The following TTN variants were observed in gnomAD, a reference collection of about 807,000 sequenced individuals.
The protein encoded by TTN is titin, also known as connectin.
A neutral mutation model predicts 3,223.0 loss-of-function variants in TTN; 1,525 were observed. That is an observed-to-expected ratio of 0.47 (90% CI 0.45 to 0.49). TTN has a LOEUF of 0.49. Among genes scored for constraint, TTN ranks in the 20% least tolerant of loss-of-function variants. The pLI is 0.00. For synonymous variants in TTN, 14,094 were observed against 15,161.0 expected (o/e 0.93, Z 5.17); for missense variants, 40,786 against 43,424.0 (o/e 0.94, Z 5.40).
chr2:178,634,790 C>T lies in TTN; in HGVS notation c.42084G>A (p.Leu14028=). The change falls in exon 229 of 363, where the codon CTG becomes CTA. Residue 14028 remains leucine, a synonymous_variant. Transcript: ENST00000589042. This position sits in a 1 kb window ranked among gnomAD's most constrained non-coding sequence, Gnocchi z 4.6. ...KRFLTLHKVK[L]DQAGEVLYQA... Reference sequence around the variant, plus strand: ...GGTAGAGGACTTCACCAGCTTGGTCCAGTTTGACTTTGTGCAAAGTTAAGA... The same window carrying T: ...GGTAGAGGACTTCACCAGCTTGGTCTAGTTTGACTTTGTGCAAAGTTAAGA... 1.2e-6 allele frequency: 2 copies of T among 1,613,020 alleles called. No homozygotes were observed. The highest frequency in any genetic ancestry group is 1.7e-6 in the Non-Finnish European group (2 of 1,179,402).
chr2:178,584,501 C>A lies in TTN; in HGVS notation c.65050G>T (p.Asp21684Tyr). 6.2e-7 allele frequency: 1 copy of A among 1,613,270 alleles called. No individual in the cohort carries two copies. The highest frequency in any genetic ancestry group is 1.1e-5 in the South Asian group (1 of 91,060). ...DCIFVAWDRP[D>Y]SDGGSPIIGY... ...ATAATGGGGCTCCCTCCATCACTAT[C>A]TGGTCTGTCCCAAGCAACAAAAATA... Residue 21684 changes from aspartate to tyrosine, a missense_variant, in exon 311 of 363, where the codon GAT becomes TAT. Asp to Tyr is a radical substitution (Grantham distance 160). Transcript: ENST00000589042.
In TTN at chr2:178,789,415, C is replaced by A; in HGVS notation, c.2021G>T (p.Arg674Ile). 1 of 1,613,462 alleles carries A rather than the reference C, an allele frequency of 6.2e-7. No homozygotes were observed. Among genetic ancestry groups the A allele is most frequent in the South Asian group, 1.1e-5 (1 of 91,062 alleles). Residue 674 changes from arginine (R) to isoleucine (I), a missense_variant, in exon 13 of 363, where the codon AGA becomes ATA. Arg to Ile is a moderately conservative substitution (Grantham distance 97, BLOSUM62 -3). Coordinates refer to ENST00000589042, the MANE Select transcript of TTN (RefSeq NM_001267550.2). Reference protein sequence around the residue: ...AKAKEQETILRTRETMATRQE... With the variant: ...AKAKEQETILITRETMATRQE... Reference sequence around the variant, plus strand: ...TCTAGTAGCCATAGTTTCTCTAGTTCTCAGTATTGTTTCTTGTTCTTTGGC... The same window carrying A: ...TCTAGTAGCCATAGTTTCTCTAGTTATCAGTATTGTTTCTTGTTCTTTGGC...
chr2:178,681,225 G>T, intron 137 of TTN, 54 bp from the exon 138 acceptor site: 2 of 1,503,970 alleles, frequency 1.3e-6, no homozygotes, highest in Non-Finnish European at 1.8e-6. Flanking sequence ...TGAATACTAT[G>T]TAATAAATAC....
rs2092718188 is a variant in TTN, at chr2:178,781,033, G to T, written c.3523+88C>A. The T allele has an allele frequency of 8.3e-6, 13 of 1,569,774 alleles. No homozygotes were observed. In the South Asian group the frequency reaches 1.2e-4, roughly 15 times the overall value. ...GGCAAAGTATCAGAACCAGTAAGTGGCAACAGGTTTTTCAGCAAACGGACA... is the reference window on the plus strand; with the variant it reads ...GGCAAAGTATCAGAACCAGTAAGTGTCAACAGGTTTTTCAGCAAACGGACA... On this transcript the variant is annotated intron_variant, in intron 21 of 362. Coordinates refer to ENST00000589042, the MANE Select transcript of TTN (RefSeq NM_001267550.2).
rs1169783665 is a variant in TTN, at chr2:178,653,273, G to T, written c.38756C>A (p.Ala12919Asp). ...TGGGACTTCAGGCTTTTTAGGAGGA[G>T]CCAAGGGCACTTTCTTTTCAAGGAC... ...EVVLEKKVPLAPPKKPEVPPV... is the reference protein window; with the variant it reads ...EVVLEKKVPLDPPKKPEVPPV... Residue 12919 changes from alanine (A) to aspartate (D), a missense_variant, in exon 198 of 363, where the codon GCT (alanine) becomes GAT (aspartate). Physicochemically the swap from Ala to Asp is moderately radical, Grantham distance 126. Transcript: ENST00000589042. The T allele has an allele frequency of 1.2e-6, 2 of 1,612,394 alleles. No individual in the cohort carries two copies. Among genetic ancestry groups the T allele is most frequent in the African/African-American group, 2.7e-5 (2 of 74,820 alleles).
Position 178,617,136 on chromosome 2 carries a change from G to T in TTN, c.47859C>A (p.Thr15953=), listed in dbSNP as rs769989672. 1.9e-6 allele frequency: 3 copies of T among 1,609,246 alleles called. No individual in the cohort carries two copies. The highest frequency in any genetic ancestry group is 2.3e-5 in the East Asian group (1 of 44,362). The change falls in exon 255 of 363, where the codon ACC becomes ACA. Residue 15953 remains threonine (T), a synonymous_variant. Coordinates refer to ENST00000589042, the MANE Select transcript of TTN (RefSeq NM_001267550.2). The stretch of plus-strand genomic sequence containing the variant: ...TCTATTTACCAAATGCATCGTCAGC[G>T]GTGAGAGGACCAAGAATTTCAGATG... ...SDPSEILGPL[T]ADDAFVEPTM...
At position 178,616,797 on chromosome 2, in the gene TTN, C is replaced by T; in HGVS notation, c.48092G>A (p.Gly16031Asp). 1 of 1,612,726 alleles carries T rather than the reference C, an allele frequency of 6.2e-7. No homozygotes were observed. The highest frequency in any genetic ancestry group is 8.5e-7 in the Non-Finnish European group (1 of 1,179,178). ...VISPSERSDK[G>D]IYTLKLENRV... ...GTTTTCTAATTTCAGTGTATAAATG[C>T]CCTTGTCTGAACGTTCACTTGGAGA... Residue 16031 changes from glycine to aspartate, a missense_variant, in exon 256 of 363, where the codon GGC (glycine) becomes GAC (aspartate). Gly to Asp is a moderately conservative substitution (Grantham distance 94). Coordinates refer to ENST00000589042, the MANE Select transcript of TTN (RefSeq NM_001267550.2).
rs768793035 is a variant in TTN at position 178,612,354 on chromosome 2, C to T, written c.50171G>A (p.Arg16724Gln). Residue 16724 changes from arginine to glutamine, a missense_variant, in exon 266 of 363, where the codon CGA (arginine) becomes CAA (glutamine). Coordinates refer to ENST00000589042, the MANE Select transcript of TTN (RefSeq NM_001267550.2). ...PLTEGSLYVF[R>Q]VAAENAIGQS... is the part of the protein sequence containing the mutation. ...TCCTATAGCATTTTCTGCAGCAACT[C>T]GGAACACATATAAAGAGCCCTCAGT... 38 of 1,612,358 alleles carry T rather than the reference C, an allele frequency of 2.4e-5. No homozygotes were observed. Among genetic ancestry groups the T allele is most frequent in the Middle Eastern group, 1.6e-4 (1 of 6,070 alleles).
intron 117 of TTN, 53 bp from the exon 118 acceptor site, chr2:178,694,061 AG>A (rs2073114620): frequency 7.3e-7 from 1 of 1,370,996 alleles, no homozygotes; most frequent in Non-Finnish European, 1.0e-6. Flanking sequence ...ACAAGACATC[AG>A]ATCAAACACA....
chr2:178,578,723 A>C lies in TTN; in HGVS notation c.68225-8T>G, dbSNP rs746789787. 4.4e-6 allele frequency: 7 copies of C among 1,607,124 alleles called. No individual in the cohort carries two copies. The highest frequency in any genetic ancestry group is 5.9e-6 in the Non-Finnish European group (7 of 1,177,984). On this transcript the variant is annotated splice_region_variant and splice_polypyrimidine_tract_variant and intron_variant, in intron 320 of 362. Coordinates refer to ENST00000589042, the MANE Select transcript of TTN (RefSeq NM_001267550.2). ...GGGGAGCATCAGGCACATCTAGAAA[A>C]AAGTAGATAATGCAAGATTTATAAT... is the stretch of plus-strand genomic sequence containing the variant.
At chr2:178,759,435 A>G (rs1311295202) in intron 43 of TTN, among the ~76,000 whole-genome samples, 4 of 152,252 alleles carry the variant, frequency 2.6e-5, no homozygotes, top group Non-Finnish European at 4.4e-5. Context: ...CTTCAGTTAC[A>G]TTCTCTTTAG....
chr2:178,774,145 C>A (rs1214697297), intron 30 of TTN, 35 bp from the exon 31 acceptor site: 5 of 1,613,924 alleles, frequency 3.1e-6, no homozygotes, highest in African/African-American at 1.3e-5. Context: ...ATGTTATGAT[C>A]ATTTTTTATC....
rs752439872 is a variant in TTN at position 178,536,930 on chromosome 2, GTA to G, written c.100171+6_100171+7del. On this transcript the variant is annotated splice_donor_region_variant and intron_variant, in intron 356 of 362. Transcript: ENST00000589042. ...CATAGGAAGATACAGAAATCAAGTTGTACTCACCAAATGGACTCTTAATGATC... is the reference window on the plus strand; with the variant it reads ...CATAGGAAGATACAGAAATCAAGTTGCTCACCAAATGGACTCTTAATGATC... 1 of 1,588,168 alleles carries G rather than the reference GTA, an allele frequency of 6.3e-7. No individual in the cohort carries two copies. The highest frequency in any genetic ancestry group is 8.6e-7 in the Non-Finnish European group (1 of 1,163,386).
In TTN at chr2:178,560,865, G is replaced by A. The variant is rs769664554; in HGVS notation, c.85267C>T (p.Arg28423Ter). Residue 28423 changes from arginine (R) to a stop codon, truncating the protein, a stop_gained, in exon 326 of 363, where the codon CGA (arginine) becomes TGA (stop). Coordinates refer to ENST00000589042, the MANE Select transcript of TTN (RefSeq NM_001267550.2). LOFTEE classifies it high-confidence loss of function. ...GTTAGTACATATTGCCCAGTGTCTC[G>A]TCTTATACAGTCTTTAACTGTTAAC... ...TLLTVKDCIR[R>*]DTGQYVLTLK... 7.4e-6 allele frequency: 12 copies of A among 1,613,616 alleles called. No individual in the cohort carries two copies. The highest frequency in any genetic ancestry group is 1.1e-5 in the South Asian group (1 of 91,076).
In TTN at chr2:178,719,801, G is replaced by T. The variant is rs2078058450; in HGVS notation, c.23691C>A (p.Pro7897=). ...EPARIIEKPE[P]MTVTTGNPFA... is the part of the protein sequence containing the mutation. ...AAGGATTTCCAGTAGTGACAGTCATGGGTTCGGGCTTCTCTATGATTCTTG... is the reference window on the plus strand; with the variant it reads ...AAGGATTTCCAGTAGTGACAGTCATTGGTTCGGGCTTCTCTATGATTCTTG... The change falls in exon 82 of 363, where the codon CCC becomes CCA. Residue 7897 remains proline, a synonymous_variant. Coordinates refer to ENST00000589042, the MANE Select transcript of TTN (RefSeq NM_001267550.2). The T allele has an allele frequency of 3.7e-6, 6 of 1,612,690 alleles. No individual in the cohort carries two copies. In the East Asian group the frequency reaches 1.3e-4, roughly 36 times the overall value.
rs776510879 is a variant in TTN at position 178,557,104 on chromosome 2, G to A, written c.88050C>T (p.Asn29350=). The change falls in exon 330 of 363, where the codon AAC becomes AAT. Residue 29350 remains asparagine, a synonymous_variant. Transcript: ENST00000589042. ...RNVRITDISK[N]SVSLSWQQPA... ...GTTGTTGCCATGAAAGGCTGACAGAGTTCTTTGAAATATCAGTGATACGAA... is the reference window on the plus strand; with the variant it reads ...GTTGTTGCCATGAAAGGCTGACAGAATTCTTTGAAATATCAGTGATACGAA... 5 of 1,613,586 alleles carry A rather than the reference G, an allele frequency of 3.1e-6. No individual in the cohort carries two copies. The African/African-American group carries it at 4.0e-5, about 13-fold the overall frequency.
chr2:178,806,325 C>G (rs532143448), intron 1 of TTN, among the ~76,000 whole-genome samples: 37 of 152,222 alleles, frequency 2.4e-4, no homozygotes, highest in African/African-American at 8.2e-4. Flanking sequence ...CATAGAATAC[C>G]TAATTATATA....
intron 3 of TTN, 134 bp from the exon 4 acceptor site, chr2:178,800,816 C>T: frequency 2.2e-6 from 2 of 917,814 alleles, no homozygotes; most frequent in Non-Finnish European, 3.1e-6. Flanking sequence ...TGTCCTTGAA[C>T]CCAGCTCACC....
rs980974415 is a variant in TTN at position 178,575,858 on chromosome 2, C to G, written c.70274G>C (p.Ser23425Thr). ...MTIENPAGKKSGFVNVRVLDT... is the reference protein window; with the variant it reads ...MTIENPAGKKTGFVNVRVLDT... ...CAAGACTCTGACGTTCACAAAGCCA[C>G]TTTTCTTCCCAGCCGGGTTTTCAAT... The change falls in exon 326 of 363, where the codon AGT (serine) becomes ACT (threonine). Residue 23425 changes from serine to threonine, a missense_variant. By Grantham distance (58) the Ser-to-Thr change is moderately conservative. Coordinates refer to ENST00000589042, the MANE Select transcript of TTN (RefSeq NM_001267550.2). The surrounding 1 kb of genome is among the most constrained non-coding windows in gnomAD (Gnocchi z 4.0). 4.3e-6 allele frequency: 7 copies of G among 1,613,584 alleles called. No homozygotes were observed. The highest frequency in any genetic ancestry group is 5.1e-6 in the Non-Finnish European group (6 of 1,179,622).
Sources: allele counts gnomAD v4.1 joint callset (sites outside exome capture counted in the v4.1 genomes callset), GRCh38; gene constraint gnomAD v4.1.1; non-coding constraint Gnocchi (gnomAD v3.1); transcripts MANE v1.5; gene names NCBI Gene and HGNC (gene_info 2026-07-23, HGNC 2026-07-21).